GNAI3: variants seen among roughly 807,000 people sequenced by gnomAD.
GNAI3 encodes the protein guanine nucleotide-binding protein G(i) subunit alpha-3.
A neutral mutation model predicts 41.8 loss-of-function variants in GNAI3; 12 were observed. The observed-to-expected ratio is 0.29, with a 90% CI of 0.18 to 0.47. The LOEUF is 0.47. Among genes scored for constraint, GNAI3 ranks in the 20% least tolerant of loss-of-function variants. GNAI3 has a pLI of 1.00. For synonymous variants in GNAI3, 132 were observed against 146.5 expected (o/e 0.90, Z 0.71); for missense variants, 360 against 429.6 (o/e 0.84, Z 1.43).
In GNAI3 at chr1:109,586,302, C is replaced by T; in HGVS notation, c.677C>T (p.Ala226Val). ...EGVTAIIFCV[A>V]LSDYDLVLAE... ...GTGACAGCAATTATCTTCTGTGTGG[C>T]CCTCAGTGATTATGACCTTGTTCTG... The change falls in exon 6 of 9, where the codon GCC (alanine) becomes GTC (valine). Residue 226 changes from alanine to valine, a missense_variant. Physicochemically the swap from Ala to Val is moderately conservative, Grantham distance 64 (BLOSUM62 0). Coordinates refer to ENST00000369851, the MANE Select transcript of GNAI3 (RefSeq NM_006496.4). 1.9e-6 allele frequency: 3 copies of T among 1,613,044 alleles called. No homozygotes were observed. Among genetic ancestry groups the T allele is most frequent in the South Asian group, 1.1e-5 (1 of 91,038 alleles).
chr1:109,565,205 G>A (rs1406130175), intron 1 of GNAI3, among the ~76,000 whole-genome samples: 1 of 151,062 alleles, frequency 6.6e-6, no homozygotes, highest in Non-Finnish European at 1.5e-5. Flanking sequence ...AGAAGTTGCA[G>A]TGAGCTGAGA....
At chr1:109,550,838 T>A (rs72703291) in intron 1 of GNAI3, among the ~76,000 whole-genome samples, 1 of 152,136 alleles carries the variant, frequency 6.6e-6, no homozygotes, top group Non-Finnish European at 1.5e-5. Flanking sequence ...CTGGCCAGCA[T>A]TTTCTTTATT....
At chr1:109,586,385 C>G in intron 6 of GNAI3, 40 bp downstream of exon 6, 1 of 1,560,538 alleles carries the variant, frequency 6.4e-7, no homozygotes, top group Non-Finnish European at 8.7e-7. Flanking sequence ...TCTAATGTAG[C>G]CAGGAAATGG....
At chr1:109,581,475 T>TTTG (rs1203157759) in intron 4 of GNAI3, among the ~76,000 whole-genome samples, 5 of 152,212 alleles carry the variant, frequency 3.3e-5, no homozygotes, top group Non-Finnish European at 7.3e-5. Context: ...TTTGATATTA[T>TTTG]ACAGTACACA....
At chr1:109,579,451 A>C in intron 4 of GNAI3, 90 bp downstream of exon 4, 2 of 822,448 alleles carry the variant, frequency 2.4e-6, no homozygotes, top group South Asian at 3.4e-5. Context: ...ATGTTTAAGT[A>C]ATAGACACTC....
intron 1 of GNAI3, among the ~76,000 whole-genome samples, chr1:109,557,989 A>C (rs995153226): frequency 3.3e-5 from 5 of 152,234 alleles, no homozygotes; most frequent in African/African-American, 1.2e-4. Context: ...ACTAAATATA[A>C]GTTGAACATA....
rs542753233 is a variant in GNAI3, at chr1:109,581,973, G to A, written c.462-464G>A. 4.7e-4 allele frequency among the ~76,000 whole-genome samples: 71 copies of A among 152,028 alleles called. No individual in the cohort carries two copies. In the South Asian group the frequency reaches 8.5e-3, roughly 18 times the overall value. On this transcript the variant is annotated intron_variant, in intron 4 of 8. Coordinates refer to ENST00000369851, the MANE Select transcript of GNAI3 (RefSeq NM_006496.4). ...CTCTATACTTTAATTGTCCTATGTT[G>A]GATTCATATTTTTTCTTATTATTTC...
chr1:109,576,241 G>A (rs912294420), intron 3 of GNAI3, among the ~76,000 whole-genome samples: 1 of 151,716 alleles, frequency 6.6e-6, no homozygotes, highest in Non-Finnish European at 1.5e-5. Context: ...ACTAATTTTT[G>A]TATTTTTAGT....
At chr1:109,561,389 G>A (rs998542531) in intron 1 of GNAI3, among the ~76,000 whole-genome samples, 1 of 152,096 alleles carries the variant, frequency 6.6e-6, no homozygotes, top group Non-Finnish European at 1.5e-5. Flanking sequence ...CATAGCTATG[G>A]TACCTTTGTA....
chr1:109,572,304 C>T (rs1648623694), intron 1 of GNAI3, among the ~76,000 whole-genome samples: 1 of 152,110 alleles, frequency 6.6e-6, no homozygotes, highest in South Asian at 2.1e-4. Flanking sequence ...AGCGGGACTC[C>T]ATCTCAAATA....
chr1:109,575,926 C>T (rs1487837756), intron 3 of GNAI3, among the ~76,000 whole-genome samples: 8 of 152,236 alleles, frequency 5.3e-5, no homozygotes, highest in Non-Finnish European at 1.2e-4. Context: ...CCCTCTCAGG[C>T]CTCCTAAATC....
In GNAI3 at chr1:109,600,078, T is replaced by C. The variant is rs1194288668; in HGVS notation, c.*7756T>C. 6.6e-6 allele frequency: 1 copy of C among 151,928 alleles called. No homozygotes were observed. Among genetic ancestry groups the C allele is most frequent in the African/African-American group, 2.4e-5 (1 of 41,306 alleles). The allele number at this position is 151,928 out of a possible 1,614,324, so 9.4% of individuals were successfully genotyped here. ...GTTCTAACTTTAGCAGTCTTAAGAA[T>C]TAAGGTTGCATGCCAGAAAATAGGG... On this transcript the variant is annotated 3_prime_UTR_variant, in exon 9 of 9. Coordinates refer to ENST00000369851, the MANE Select transcript of GNAI3 (RefSeq NM_006496.4).
At chr1:109,555,967 T>TGCGTGCGTGC (rs1553222507) in intron 1 of GNAI3, among the ~76,000 whole-genome samples, 16,410 of 86,428 alleles carry the variant, frequency 0.19, 1,127 homozygotes, top group Admixed American at 0.26. Context: ...TGCGTGCGTG[T>TGCGTGCGTGC]GTGTGTGTGT....
chr1:109,567,271 A>T (rs61798348), intron 1 of GNAI3, among the ~76,000 whole-genome samples: 2,101 of 152,278 alleles, frequency 0.014, 16 homozygotes, highest in Non-Finnish European at 0.021. Context: ...CTCTAATTAT[A>T]ATCCTGTTAT....
chr1:109,569,251 T>C (rs1476079151), intron 1 of GNAI3, among the ~76,000 whole-genome samples: 1 of 152,218 alleles, frequency 6.6e-6, no homozygotes, highest in Non-Finnish European at 1.5e-5. Flanking sequence ...ACCCCCTGCA[T>C]AGTTCCATCC....
intron 7 of GNAI3, chr1:109,591,698 T>C: frequency 5.3e-6 from 2 of 379,684 alleles, no homozygotes; most frequent in Non-Finnish European, 9.6e-6. Context: ...CTCTCAGACC[T>C]TTTAAGCAGT....
chr1:109,555,797 A>G (rs369304789), intron 1 of GNAI3, among the ~76,000 whole-genome samples: 1 of 152,232 alleles, frequency 6.6e-6, no homozygotes, highest in African/African-American at 2.4e-5. Context: ...CTGAAGCACT[A>G]TGCTGTTCCT....
chr1:109,588,060 A>C (rs1649077421), intron 7 of GNAI3, among the ~76,000 whole-genome samples: 1 of 152,178 alleles, frequency 6.6e-6, no homozygotes, highest in Non-Finnish European at 1.5e-5. Flanking sequence ...ATAACAGCCT[A>C]GTCACAGTTT....
At position 109,592,350 on chromosome 1, in the gene GNAI3, A is replaced by G. The variant is rs552505464; in HGVS notation, c.*28A>G. The G allele has an allele frequency of 2.9e-6, 2 of 680,252 alleles. No homozygotes were observed. The highest frequency in any genetic ancestry group is 1.8e-5 in the African/African-American group (1 of 55,658). 42.1% of individuals were successfully genotyped at this position (680,252 alleles called of 1,614,324 possible). On this transcript the variant is annotated 3_prime_UTR_variant, in exon 9 of 9. Transcript: ENST00000369851. ...AGAATATTCTTCTCTTCTAGTTACT[A>G]CAGTGTGGAGTGTTGAGACCAGACA...
Sources: gnomAD v4.1 joint callset for allele counts (sites outside exome capture counted in the v4.1 genomes callset) on GRCh38, gnomAD v4.1.1 for gene constraint, MANE v1.5 for transcripts, NCBI Gene and HGNC (gene_info 2026-07-23, HGNC 2026-07-21) for gene names.